The following PACRG variants were observed in gnomAD, a reference collection of about 807,000 sequenced individuals.
PACRG encodes the protein parkin coregulated gene protein.
PACRG carries 29 observed loss-of-function variants against 29.7 expected under a neutral mutation model. The ratio of observed to expected loss-of-function variants is 0.98; its 90% CI spans 0.73 to 1.33. The LOEUF (loss-of-function observed/expected upper bound fraction) is 1.33, where lower values mean the gene tolerates loss of function less well. PACRG is among the 40% of genes most tolerant of loss of function. The probability of loss-of-function intolerance (pLI) is 0.00; values close to 1 mark genes in which losing one functional copy is unlikely to be tolerated. For missense variants in PACRG, 279 were observed against 316.2 expected (o/e 0.88, Z 0.89); for synonymous variants, 116 against 118.7 (o/e 0.98, Z 0.15).
intron 4 of PACRG, among the ~76,000 whole-genome samples, chr6:163,115,828 G>C: frequency 6.6e-6 from 1 of 152,316 alleles, no homozygotes; most frequent in East Asian, 1.9e-4. Context: ...TCCTCTGTCA[G>C]TTTCAGCTCT....
At chr6:163,203,965 T>C (rs1035298933) in intron 4 of PACRG, among the ~76,000 whole-genome samples, 2 of 152,236 alleles carry the variant, frequency 1.3e-5, no homozygotes, top group Non-Finnish European at 2.9e-5. Flanking sequence ...ATTAGGATCC[T>C]GTAAGGTGAA....
chr6:163,303,387 A>G (rs1020223478), intron 4 of PACRG, among the ~76,000 whole-genome samples: 3 of 152,200 alleles, frequency 2.0e-5, no homozygotes, highest in African/African-American at 7.2e-5. Context: ...ACAGAAAAAA[A>G]AATCAGAGCT....
chr6:163,285,921 A>C, intron 4 of PACRG, among the ~76,000 whole-genome samples: 1 of 147,962 alleles, frequency 6.8e-6, no homozygotes, highest in Non-Finnish European at 1.5e-5. Context: ...AAGGGACTGA[A>C]TGACTCCATC....
rs116528837 is a variant in PACRG, at chr6:162,979,551, C to T, written c.292-82599C>T. On this transcript the variant is annotated intron_variant, in intron 2 of 4. Coordinates refer to ENST00000366888, the MANE Select transcript of PACRG (RefSeq NM_001080379.2). ...CAATGTAATCTCATTTGTCTACTTT[C>T]GCTTTTGTTGTGTGTATCTTGGAGA... is the stretch of plus-strand genomic sequence containing the variant. Among the ~76,000 whole-genome samples the T allele has an allele frequency of 6.2e-3, 938 of 152,184 alleles. 17 individuals carry two copies. Among genetic ancestry groups the T allele is most frequent in the African/African-American group, 0.021 (890 of 41,514 alleles).
intron 4 of PACRG, chr6:163,166,380 A>C (rs976425867): frequency 1.2e-5 from 4 of 344,130 alleles, no homozygotes; most frequent in African/African-American, 8.6e-5. Flanking sequence ...TTACTGTGCC[A>C]AGTTATTAAG....
intron 2 of PACRG, among the ~76,000 whole-genome samples, chr6:162,878,346 C>T (rs1793546888): frequency 6.6e-6 from 1 of 152,094 alleles, no homozygotes; most frequent in African/African-American, 2.4e-5. Context: ...TGTTTCTTCA[C>T]TAAGTAAAAA....
intron 4 of PACRG, among the ~76,000 whole-genome samples, chr6:163,220,247 A>G (rs1781527186): frequency 6.6e-6 from 1 of 152,078 alleles, no homozygotes; most frequent in African/African-American, 2.4e-5. Flanking sequence ...GGTGTGCTCC[A>G]TCTTTTTAGT....
intron 2 of PACRG, among the ~76,000 whole-genome samples, chr6:162,989,337 A>G (rs1412218615): frequency 6.6e-6 from 1 of 152,204 alleles, no homozygotes; most frequent in African/African-American, 2.4e-5. Context: ...GATACCTGAC[A>G]GATGTATCAT....
At chr6:163,272,043 C>CT (rs11381981) in intron 4 of PACRG, among the ~76,000 whole-genome samples, 83,932 of 142,892 alleles carry the variant, frequency 0.59, 24,856 homozygotes, top group Middle Eastern at 0.68. Flanking sequence ...TTTCCTTTTT[C>CT]TTTTTTTTTT....
At chr6:163,000,157 C>G (rs77969665) in intron 2 of PACRG, among the ~76,000 whole-genome samples, 2,769 of 152,230 alleles carry the variant, frequency 0.018, 94 homozygotes, top group African/African-American at 0.063. Flanking sequence ...TCTAGGCCAT[C>G]CAGGCCAGAT....
chr6:163,152,543 A>G (rs1423489244), intron 4 of PACRG, among the ~76,000 whole-genome samples: 1 of 152,246 alleles, frequency 6.6e-6, no homozygotes, highest in African/African-American at 2.4e-5. Context: ...AACAAAGCCT[A>G]GAACATAGGA....
intron 2 of PACRG, among the ~76,000 whole-genome samples, chr6:162,976,997 C>T (rs1011012956): frequency 1.3e-5 from 2 of 151,924 alleles, no homozygotes; most frequent in African/African-American, 4.8e-5. Flanking sequence ...CAACACTGTA[C>T]AAGTCCTAAG....
intron 2 of PACRG, among the ~76,000 whole-genome samples, chr6:162,827,830 G>T (rs1788415651): frequency 6.6e-6 from 1 of 151,850 alleles, no homozygotes; most frequent in East Asian, 2.0e-4. Flanking sequence ...GCTTGCACCT[G>T]GCTCAGCTCT....
At chr6:162,882,097 G>A (rs548540834) in intron 2 of PACRG, among the ~76,000 whole-genome samples, 3 of 136,212 alleles carry the variant, frequency 2.2e-5, no homozygotes, top group Admixed American at 7.2e-5. Flanking sequence ...GGGGTGGGGG[G>A]GCGCACTCTC....
chr6:163,271,367 A>G (rs770999256), intron 4 of PACRG, among the ~76,000 whole-genome samples: 11 of 38,550 alleles, frequency 2.9e-4, no homozygotes, highest in Non-Finnish European at 5.5e-4. Flanking sequence ...CTTCAATCCA[A>G]TCAAGTTGAC....
At chr6:162,888,054 G>A (rs1402595194) in intron 2 of PACRG, among the ~76,000 whole-genome samples, 1 of 152,170 alleles carries the variant, frequency 6.6e-6, no homozygotes, top group Non-Finnish European at 1.5e-5. Context: ...AGCAGCCTCA[G>A]GAGGAGATGA....
At chr6:162,761,637 G>C (rs1351825979) in intron 1 of PACRG, among the ~76,000 whole-genome samples, 2 of 152,060 alleles carry the variant, frequency 1.3e-5, no homozygotes, top group African/African-American at 4.8e-5. Flanking sequence ...CCAGTAGAGT[G>C]AATTTCAAAA....
At chr6:162,969,679 C>A (rs1446559411) in intron 2 of PACRG, among the ~76,000 whole-genome samples, 3 of 152,140 alleles carry the variant, frequency 2.0e-5, no homozygotes, top group African/African-American at 7.2e-5. Context: ...ACTGTTTCCT[C>A]CTGGAGGGCC....
chr6:163,297,461 C>T (rs1456655626), intron 4 of PACRG, among the ~76,000 whole-genome samples: 5 of 152,146 alleles, frequency 3.3e-5, no homozygotes, highest in African/African-American at 1.2e-4. Context: ...TTAGCTTCAT[C>T]TGCCTCCAAG....
Sources: allele counts gnomAD v4.1 joint callset (sites outside exome capture counted in the v4.1 genomes callset), GRCh38; gene constraint gnomAD v4.1.1; transcripts MANE v1.5; gene names NCBI Gene and HGNC (gene_info 2026-07-23, HGNC 2026-07-21).